Variants in AEBP2 observed in about 807,000 individuals in gnomAD.
The protein encoded by AEBP2 is AE binding protein 2.
Under a neutral mutation model 50.8 loss-of-function variants are expected in AEBP2, and 10 were observed. That is an observed-to-expected ratio of 0.20 (90% CI 0.12 to 0.33). The LOEUF (loss-of-function observed/expected upper bound fraction) is 0.33. Among genes scored for constraint, AEBP2 ranks in the 10% least tolerant of loss-of-function variants. The probability of loss-of-function intolerance (pLI) is 1.00; values close to 1 mark genes in which losing one functional copy is unlikely to be tolerated. For missense variants in AEBP2, 570 were observed against 688.0 expected (o/e 0.83, Z 1.92); for synonymous variants, 296 against 261.3 (o/e 1.13, Z -1.28).
intron 1 of AEBP2, among the ~76,000 whole-genome samples, chr12:19,449,016 G>T (rs1428893234): frequency 6.6e-6 from 1 of 152,124 alleles, no homozygotes; most frequent in African/African-American, 2.4e-5. Context: ...AAAGTACAAA[G>T]AGTAGATGAA....
intron 1 of AEBP2, among the ~76,000 whole-genome samples, chr12:19,406,625 G>A (rs892648178): frequency 1.3e-5 from 2 of 151,550 alleles, no homozygotes; most frequent in Admixed American, 6.6e-5. Context: ...AGGTTGCAGT[G>A]AGCTGAGATT....
At position 19,439,688 on chromosome 12, in the gene AEBP2, G is replaced by C. The variant is rs745532566; in HGVS notation, c.-12G>C. ...GTGGGGAGGAGGAGGAGGAGGAGGAGCAGGCGCCGCCATGGCCGCCGCTAT... is the reference window on the plus strand; with the variant it reads ...GTGGGGAGGAGGAGGAGGAGGAGGACCAGGCGCCGCCATGGCCGCCGCTAT... On this transcript the variant is annotated 5_prime_UTR_variant, in exon 1 of 8. Coordinates refer to ENST00000266508, the MANE Select transcript of AEBP2 (RefSeq NM_153207.5). The C allele has an allele frequency of 4.0e-6, 6 of 1,513,166 alleles. No individual in the cohort carries two copies. In the South Asian group the frequency reaches 7.2e-5, roughly 18 times the overall value. The allele number at this position is 1,513,166 out of a possible 1,614,324, so 93.7% of individuals were successfully genotyped here.
chr12:19,484,450 C>G (rs540487096), intron 3 of AEBP2, among the ~76,000 whole-genome samples: 1 of 151,552 alleles, frequency 6.6e-6, no homozygotes, highest in South Asian at 2.1e-4. Flanking sequence ...TCTCGGTTCA[C>G]TGCAACCTCC....
At chr12:19,457,383 A>C (rs1175807276) in intron 1 of AEBP2, 1 of 1,434,286 alleles carries the variant, frequency 7.0e-7, no homozygotes, top group African/African-American at 1.4e-5. Flanking sequence ...GGCATCAATG[A>C]TAGTCACGTA....
In AEBP2 at chr12:19,462,601, T is replaced by G; in HGVS notation, c.763T>G (p.Ser255Ala). 6.2e-7 allele frequency: 1 copy of G among 1,613,950 alleles called. No homozygotes were observed. Among genetic ancestry groups the G allele is most frequent in the Non-Finnish European group, 8.5e-7 (1 of 1,179,872 alleles). ...MMNGQGSTTS[S>A]SKNIAYNCCW... Reference sequence around the variant, plus strand: ...GAATGGACAAGGAAGCACTACTTCTTCAAGCAAAAATATTGCCTATAATTG... The same window carrying G: ...GAATGGACAAGGAAGCACTACTTCTGCAAGCAAAAATATTGCCTATAATTG... Residue 255 changes from serine (S) to alanine (A), a missense_variant, in exon 2 of 8, where the codon TCA becomes GCA. By Grantham distance (99) the Ser-to-Ala change is moderately conservative. This residue lies in a region of AEBP2 where 184 missense variants were observed against 351.2 expected (regional missense o/e 0.52). Coordinates refer to ENST00000266508, the MANE Select transcript of AEBP2 (RefSeq NM_153207.5).
intron 5 of AEBP2, 86 bp from the exon 6 acceptor site, chr12:19,512,312 G>A (rs1949245041): frequency 3.0e-5 from 27 of 894,402 alleles, no homozygotes; most frequent in Non-Finnish European, 4.5e-5. Context: ...GAGCCATCGC[G>A]CCCAGCCCCA....
At position 19,519,779 on chromosome 12, in the gene AEBP2, A is replaced by T. The variant is rs1254556437; in HGVS notation, c.*1662A>T. Reference sequence around the variant, plus strand: ...TAAAAAATTTAAAAGTGTAAAAATTATGAGAGACTTTATTCGTTAACAATG... The same window carrying T: ...TAAAAAATTTAAAAGTGTAAAAATTTTGAGAGACTTTATTCGTTAACAATG... On this transcript the variant is annotated 3_prime_UTR_variant, in exon 8 of 8. Coordinates refer to ENST00000266508, the MANE Select transcript of AEBP2 (RefSeq NM_153207.5). 1 of 152,584 alleles carries T rather than the reference A, an allele frequency of 6.6e-6. No individual in the cohort carries two copies. The highest frequency in any genetic ancestry group is 2.4e-5 in the African/African-American group (1 of 41,472). The allele number at this position is 152,584 out of a possible 1,614,324, so 9.5% of individuals were successfully genotyped here.
At chr12:19,506,913 C>T (rs968699726) in intron 5 of AEBP2, among the ~76,000 whole-genome samples, 56 of 152,134 alleles carry the variant, frequency 3.7e-4, no homozygotes, top group African/African-American at 1.3e-3. Context: ...TGGGCAGCTC[C>T]GTGGCAGAGC....
In AEBP2 at chr12:19,497,855, A is replaced by G. The variant is rs1325518988; in HGVS notation, c.1175-2242A>G. Among the ~76,000 whole-genome samples the G allele has an allele frequency of 2.0e-5, 3 of 152,244 alleles. No homozygotes were observed. The East Asian group carries it at 5.8e-4, about 29-fold the overall frequency. ...TTAACGTATGTAATTTATACATTGT[A>G]TACGGGTAATACTACTACTGCACAT... On this transcript the variant is annotated intron_variant, in intron 4 of 7. Coordinates refer to ENST00000266508, the MANE Select transcript of AEBP2 (RefSeq NM_153207.5).
At chr12:19,448,282 A>G (rs910597292) in intron 1 of AEBP2, among the ~76,000 whole-genome samples, 14 of 152,164 alleles carry the variant, frequency 9.2e-5, no homozygotes, top group African/African-American at 2.9e-4. Context: ...CCTCTAGGCT[A>G]TAACATTTTA....
At chr12:19,505,508 T>C (rs1282248925) in intron 5 of AEBP2, among the ~76,000 whole-genome samples, 5 of 152,214 alleles carry the variant, frequency 3.3e-5, no homozygotes, top group Admixed American at 6.5e-5. Flanking sequence ...AAACTTGTAA[T>C]GAGGGCATAA....
In AEBP2 at chr12:19,493,693, A is replaced by G. The variant is rs1006408194; in HGVS notation, c.988-107A>G. 6 of 1,066,806 alleles carry G rather than the reference A, an allele frequency of 5.6e-6. No homozygotes were observed. The African/African-American group carries it at 9.6e-5, about 17-fold the overall frequency. 66.1% of individuals were successfully genotyped at this position (1,066,806 alleles called of 1,614,324 possible). A position where few individuals can be genotyped will look rare whatever the true frequency, so the allele number is the denominator to read the frequency against. On this transcript the variant is annotated intron_variant, in intron 3 of 7. Transcript: ENST00000266508. ...ATGCTTCCTTTCTGGAATTAGTTCT[A>G]TTGTACTACTTATTTACTTCCGAAA... is the stretch of plus-strand genomic sequence containing the variant.
At chr12:19,501,648 AT>A (rs754661523) in intron 5 of AEBP2, among the ~76,000 whole-genome samples, 64 of 124,496 alleles carry the variant, frequency 5.1e-4, no homozygotes, top group Middle Eastern at 4.4e-3. Flanking sequence ...AAAAAAAAAA[AT>A]TATATATACA....
At chr12:19,514,619 G>A in intron 6 of AEBP2, 52 bp from the exon 7 acceptor site, 1 of 1,382,134 alleles carries the variant, frequency 7.2e-7, no homozygotes, top group Non-Finnish European at 1.0e-6. Context: ...ACATGGAAGT[G>A]TAAATCTAAA....
Position 19,440,357 on chromosome 12 carries a change from G to T in AEBP2, c.658G>T (p.Asp220Tyr). The T allele has an allele frequency of 6.8e-7, 1 of 1,469,102 alleles. No individual in the cohort carries two copies. 91.0% of individuals were successfully genotyped at this position (1,469,102 alleles called of 1,614,324 possible). ...SSDGEPLSRMDSEDSISSTIM... is the reference protein window; with the variant it reads ...SSDGEPLSRMYSEDSISSTIM... ...GGATGGGGAACCCCTGAGCCGCATG[G>T]ACTCGGAGGACAGGTCAGTGCTCTG... Residue 220 changes from aspartate to tyrosine, a missense_variant, in exon 1 of 8, where the codon GAC becomes TAC. Physicochemically the swap from Asp to Tyr is radical, Grantham distance 160. Coordinates refer to ENST00000266508, the MANE Select transcript of AEBP2 (RefSeq NM_153207.5).
chr12:19,493,669 T>C (rs1435029962), intron 3 of AEBP2, 131 bp from the exon 4 acceptor site: 2 of 858,492 alleles, frequency 2.3e-6, no homozygotes, highest in South Asian at 4.2e-5. Context: ...TAGTCCCTTA[T>C]GCTTCCTTTC....
At chr12:19,511,601 T>G (rs1949233275) in intron 5 of AEBP2, among the ~76,000 whole-genome samples, 1 of 152,180 alleles carries the variant, frequency 6.6e-6, no homozygotes, top group Non-Finnish European at 1.5e-5. Context: ...GTAGCTTTGA[T>G]GACTTGAGGA....
At chr12:19,446,330 A>C (rs1190829182) in intron 1 of AEBP2, among the ~76,000 whole-genome samples, 1 of 152,176 alleles carries the variant, frequency 6.6e-6, no homozygotes, top group Non-Finnish European at 1.5e-5. Context: ...TTAGAACTGG[A>C]GGCAGGTATG....
At chr12:19,412,425 A>C (rs2095739786) in intron 1 of AEBP2, among the ~76,000 whole-genome samples, 2 of 151,682 alleles carry the variant, frequency 1.3e-5, no homozygotes. Flanking sequence ...CTATAGGCAC[A>C]CGCCACCACA....
Sources: gnomAD v4.1 joint callset for allele counts (sites outside exome capture counted in the v4.1 genomes callset) on GRCh38, gnomAD v4.1.1 for gene constraint, gnomAD v4.1.1 regional missense constraint, MANE v1.5 for transcripts, NCBI Gene and HGNC (gene_info 2026-07-23, HGNC 2026-07-21) for gene names.